ZBTB45: variants seen among roughly 807,000 people sequenced by gnomAD.
The protein encoded by ZBTB45 is zinc finger and BTB domain-containing protein 45.
Under a neutral mutation model 28.4 loss-of-function variants are expected in ZBTB45, and 22 were observed. The ratio of observed to expected loss-of-function variants is 0.77; its 90% CI spans 0.55 to 1.10. The LOEUF (loss-of-function observed/expected upper bound fraction) is 1.10. Ranked by LOEUF, ZBTB45 falls within the 50% of genes least tolerant of loss-of-function variation. The probability of loss-of-function intolerance (pLI) is 0.00; values close to 1 mark genes in which losing one functional copy is unlikely to be tolerated. For missense variants in ZBTB45, 656 were observed against 750.2 expected (o/e 0.87, Z 1.47); for synonymous variants, 361 against 332.3 (o/e 1.09, Z -0.94).
chr19:58,538,745 C>G (rs890018959), exon 1 of ZBTB45: 1 of 152,264 alleles, frequency 6.6e-6, no homozygotes, highest in African/African-American at 2.4e-5. Context: ...TGGTTGTTCG[C>G]GCCAGTCCTC....
chr19:58,531,119 G>A (rs919678827), intron 1 of ZBTB45, among the ~76,000 whole-genome samples: 1 of 152,266 alleles, frequency 6.6e-6, no homozygotes, highest in African/African-American at 2.4e-5. Flanking sequence ...AAGTATGAAG[G>A]TTCTAATTTC....
chr19:58,514,154 C>T lies in ZBTB45; in HGVS notation c.1436G>A (p.Arg479His). The T allele has an allele frequency of 6.2e-7, 1 of 1,610,062 alleles. No individual in the cohort carries two copies. Among genetic ancestry groups the T allele is most frequent in the Non-Finnish European group, 8.5e-7 (1 of 1,178,846 alleles). ...GGGCGCGCGCTCGGGCCGGTGAGTG[C>T]GCATGTGCACGTTGAGCGAGCTCTT... The part of the protein sequence containing the change: ...TQKSSLNVHM[R>H]THRPERAPCP... The change falls in exon 3 of 3, where the codon CGC (arginine) becomes CAC (histidine). Residue 479 changes from arginine to histidine, a missense_variant. This residue lies in a region of ZBTB45 where 103 missense variants were observed against 153.5 expected (regional missense o/e 0.67). Coordinates refer to ENST00000594051, the MANE Select transcript of ZBTB45 (RefSeq NM_001316979.2).
intron 1 of ZBTB45, among the ~76,000 whole-genome samples, chr19:58,525,211 C>G (rs2053601452): frequency 6.6e-6 from 1 of 152,194 alleles, no homozygotes; most frequent in African/African-American, 2.4e-5. Flanking sequence ...CTTTGGCAGT[C>G]ATACTCAAGT....
intron 1 of ZBTB45, among the ~76,000 whole-genome samples, chr19:58,525,038 G>C (rs2053600530): frequency 2.0e-5 from 3 of 152,166 alleles, no homozygotes; most frequent in African/African-American, 7.2e-5. Context: ...TCCTCAGCTG[G>C]CTAAGGCAGG....
chr19:58,524,531 C>T (rs972972664), upstream of ZBTB45, among the ~76,000 whole-genome samples: 1 of 142,924 alleles, frequency 7.0e-6, no homozygotes, highest in Non-Finnish European at 1.5e-5. Context: ...TAAATGTGTA[C>T]CTGAGAACAC....
Position 58,513,907 on chromosome 19 carries a change from G to T in ZBTB45, c.*147C>A. Reference sequence around the variant, plus strand: ...AGGAGTAAGGCGGACTTAGGCCCTGGTATGGAGAAAGGGTGAAGGGAGAGA... The same window carrying T: ...AGGAGTAAGGCGGACTTAGGCCCTGTTATGGAGAAAGGGTGAAGGGAGAGA... On this transcript the variant is annotated 3_prime_UTR_variant, in exon 3 of 3. Transcript: ENST00000594051. 1 of 1,013,462 alleles carries T rather than the reference G, an allele frequency of 9.9e-7. No individual in the cohort carries two copies. Among genetic ancestry groups the T allele is most frequent in the Non-Finnish European group, 1.3e-6 (1 of 759,008 alleles). The allele number at this position is 1,013,462 out of a possible 1,614,324, so 62.8% of individuals were successfully genotyped here.
upstream of ZBTB45, among the ~76,000 whole-genome samples, chr19:58,522,958 C>T (rs936450141): frequency 1.3e-5 from 2 of 151,974 alleles, no homozygotes; most frequent in Admixed American, 6.6e-5. Context: ...GGGTGGCAAA[C>T]GCAGGAGTCC....
Position 58,515,336 on chromosome 19 carries a change from A to AC in ZBTB45, c.1280-1027_1280-1026insG, listed in dbSNP as rs2053478541. Among the ~76,000 whole-genome samples, 3 of 151,012 alleles carry AC rather than the reference A, an allele frequency of 2.0e-5. No homozygotes were observed. The highest frequency in any genetic ancestry group is 4.2e-4 in the South Asian group (2 of 4,750). ...GTCTCAAAAAAAATTAAAAAAAAAAAAACCCTATCTCAGTGGCAGTGGACT... is the reference window on the plus strand; with the variant it reads ...GTCTCAAAAAAAATTAAAAAAAAAAACAACCCTATCTCAGTGGCAGTGGACT... On this transcript the variant is annotated intron_variant, in intron 2 of 2. Transcript: ENST00000594051. This position sits in a 1 kb window ranked among gnomAD's most constrained non-coding sequence, Gnocchi z 4.7.
At position 58,527,233 on chromosome 19, in the gene ZBTB45, C is replaced by T. The variant is rs2053612724; in HGVS notation, c.1-9560G>A. 2.6e-5 allele frequency among the ~76,000 whole-genome samples: 4 copies of T among 152,318 alleles called. No homozygotes were observed. The South Asian group carries it at 8.3e-4, about 32-fold the overall frequency. On this transcript the variant is annotated intron_variant, in intron 1 of 1. Transcript: ENST00000600130. The stretch of plus-strand genomic sequence containing the variant: ...TTCCACCACCCACAGTAGGTGTAAG[C>T]TTGGCAGCTCCAGTTTTATGGCCCC...
chr19:58,521,082 AG>A (rs776688399), upstream of ZBTB45, among the ~76,000 whole-genome samples: 14 of 67,872 alleles, frequency 2.1e-4, 1 homozygote, highest in South Asian at 5.1e-4. Context: ...AAAAAAAAAA[AG>A]GCCGGGCGCG....
intron 1 of ZBTB45, among the ~76,000 whole-genome samples, chr19:58,526,632 C>A (rs1398253953): frequency 7.3e-5 from 10 of 136,978 alleles, no homozygotes; most frequent in Non-Finnish European, 1.6e-4. Context: ...CCCGGGTTCA[C>A]GCCATTCTCC....
rs2053487916 is a variant in ZBTB45 at position 58,516,021 on chromosome 19, CAG to C, written c.1279+372_1279+373del. 1.3e-5 allele frequency among the ~76,000 whole-genome samples: 2 copies of C among 152,168 alleles called. No individual in the cohort carries two copies. The highest frequency in any genetic ancestry group is 1.3e-4 in the Admixed American group (2 of 15,282). On this transcript the variant is annotated intron_variant, in intron 2 of 2. Coordinates refer to ENST00000594051, the MANE Select transcript of ZBTB45 (RefSeq NM_001316979.2). This position sits in a 1 kb window ranked among gnomAD's most constrained non-coding sequence, Gnocchi z 6.2. ...AGCCTATAACGGGACAGCTGGAAACCAGAGAGACACAGGAGGCTCCCTGGAGC... is the reference window on the plus strand; with the variant it reads ...AGCCTATAACGGGACAGCTGGAAACCAGAGACACAGGAGGCTCCCTGGAGC...
Position 58,517,463 on chromosome 19 carries a change from C to T in ZBTB45, c.211G>A (p.Val71Met). 1 of 1,613,172 alleles carries T rather than the reference C, an allele frequency of 6.2e-7. No individual in the cohort carries two copies. Among genetic ancestry groups the T allele is most frequent in the African/African-American group, 1.3e-5 (1 of 75,034 alleles). The change falls in exon 2 of 3, where the codon GTG becomes ATG. Residue 71 changes from valine (V) to methionine (M), a missense_variant. Val to Met is a conservative substitution (Grantham distance 21). Around this residue, in one of 3 missense-constraint regions of ZBTB45, gnomAD observed 105 missense variants for 152.4 expected, o/e 0.69. Transcript: ENST00000594051. ...KLLLGHSEIR[V>M]PPVVPAQTVR... is the part of the protein sequence containing the mutation. ...GTCTGCGCGGGCACCACCGGAGGCACACGGATCTCAGAGTGGCCGAGCAGC... is the reference window on the plus strand; with the variant it reads ...GTCTGCGCGGGCACCACCGGAGGCATACGGATCTCAGAGTGGCCGAGCAGC...
intron 1 of ZBTB45, among the ~76,000 whole-genome samples, chr19:58,534,163 T>G (rs989568090): frequency 3.9e-5 from 6 of 152,022 alleles, no homozygotes; most frequent in Non-Finnish European, 7.4e-5. Context: ...ACCAAAAAGT[T>G]AAAAAGTCCA....
chr19:58,514,322 AG>A lies in ZBTB45; in HGVS notation c.1280-13del. The A allele has an allele frequency of 6.3e-7, 1 of 1,587,484 alleles. No homozygotes were observed. The highest frequency in any genetic ancestry group is 1.3e-5 in the African/African-American group (1 of 74,234). ...GTGCGGCTTCTCCCCTGCGGAAGAC[AG>A]GGCGGGCCGCGAACGCAAGTCAGAC... On this transcript the variant is annotated splice_polypyrimidine_tract_variant and intron_variant, in intron 2 of 2. Coordinates refer to ENST00000594051, the MANE Select transcript of ZBTB45 (RefSeq NM_001316979.2).
Position 58,513,997 on chromosome 19 carries a change from G to C in ZBTB45, c.*57C>G, listed in dbSNP as rs2122544010. ...GAACCACGGGTCCCGCAGCGGGCGT[G>C]GCCGACTGTGCGGGAGGCCCCGGAT... On this transcript the variant is annotated 3_prime_UTR_variant, in exon 3 of 3. Transcript: ENST00000594051. The C allele has an allele frequency of 2.2e-6, 3 of 1,353,756 alleles. No individual in the cohort carries two copies. The highest frequency in any genetic ancestry group is 2.8e-6 in the Non-Finnish European group (3 of 1,058,976). The allele number at this position is 1,353,756 out of a possible 1,614,324, so 83.9% of individuals were successfully genotyped here.
At chr19:58,535,092 C>T (rs1202551796) in intron 1 of ZBTB45, among the ~76,000 whole-genome samples, 2 of 151,454 alleles carry the variant, frequency 1.3e-5, no homozygotes, top group Non-Finnish European at 2.9e-5. Flanking sequence ...AGGCTGGTCT[C>T]GAACTCCTGA....
chr19:58,516,888 G>C lies in ZBTB45; in HGVS notation c.786C>G (p.Leu262=), dbSNP rs566192695. 1 of 1,613,380 alleles carries C rather than the reference G, an allele frequency of 6.2e-7. No homozygotes were observed. Among genetic ancestry groups the C allele is most frequent in the Non-Finnish European group, 8.5e-7 (1 of 1,180,010 alleles). ...CTCTCCCGGCACCACTGTAGTCAGC[G>C]AGGCCAGTGGGTGCAGGGGGCTCCT... ...ACEEPPAPTG[L]ADYSGAGRDF... is the part of the protein sequence containing the mutation. The change falls in exon 2 of 3, where the codon CTC becomes CTG. Residue 262 remains leucine, a synonymous_variant. Transcript: ENST00000594051. This position sits in a 1 kb window ranked among gnomAD's most constrained non-coding sequence, Gnocchi z 6.2.
chr19:58,531,614 G>GGTT (rs1455237708), intron 1 of ZBTB45, among the ~76,000 whole-genome samples: 1 of 152,186 alleles, frequency 6.6e-6, no homozygotes, highest in East Asian at 1.9e-4. Flanking sequence ...CCTGAAATAC[G>GGTT]GTTCCCCTTG....
Sources: allele counts gnomAD v4.1 joint callset (sites outside exome capture counted in the v4.1 genomes callset), GRCh38; gene constraint gnomAD v4.1.1; regional missense constraint gnomAD v4.1.1; non-coding constraint Gnocchi (gnomAD v3.1); transcripts MANE v1.5; gene names NCBI Gene and HGNC (gene_info 2026-07-23, HGNC 2026-07-21).